GABBR2: variants seen among roughly 807,000 people sequenced by gnomAD.
GABBR2 encodes G-protein coupled receptor 51.
GABBR2 carries 23 observed loss-of-function variants against 105.6 expected under a neutral mutation model. The ratio of observed to expected loss-of-function variants is 0.22; its 90% CI spans 0.16 to 0.31. The LOEUF (loss-of-function observed/expected upper bound fraction) is 0.31. Ranked by LOEUF, GABBR2 falls within the 10% of genes least tolerant of loss-of-function variation. The probability of loss-of-function intolerance (pLI) is 1.00; values close to 1 mark genes in which losing one functional copy is unlikely to be tolerated. For synonymous variants in GABBR2, 478 were observed against 499.7 expected (o/e 0.96, Z 0.58); for missense variants, 734 against 1,245.5 (o/e 0.59, Z 6.18).
In GABBR2 at chr9:98,708,452, G is replaced by C. The variant is rs1407202194; in HGVS notation, c.286C>G (p.Pro96Ala). The change falls in exon 1 of 19, where the codon CCC becomes GCC. Residue 96 changes from proline to alanine, a missense_variant. This residue lies in a region of GABBR2 where 370 missense variants were observed against 648.9 expected (regional missense o/e 0.57). Transcript: ENST00000259455. ...EQIRNESLLR[P>A]YFLDLRLYDT... ...TAGAGCCGCAGGTCGAGGAAGTAGGGGCGCAGGAGTGACTCGTTGCGGATC... is the reference window on the plus strand; with the variant it reads ...TAGAGCCGCAGGTCGAGGAAGTAGGCGCGCAGGAGTGACTCGTTGCGGATC... 6.4e-7 allele frequency: 1 copy of C among 1,557,128 alleles called. No individual in the cohort carries two copies.
rs929592683 is a variant in GABBR2, at chr9:98,388,304, G to A, written c.1529+550C>T. ...TCGCTGAACTTCAGGGCTTTTCTCT[G>A]TGAAATGAGGAGTTATCCGGAGGGT... On this transcript the variant is annotated intron_variant, in intron 10 of 18. Coordinates refer to ENST00000259455, the MANE Select transcript of GABBR2 (RefSeq NM_005458.8). This position sits in a 1 kb window ranked among gnomAD's most constrained non-coding sequence, Gnocchi z 4.4. 5.9e-5 allele frequency among the ~76,000 whole-genome samples: 9 copies of A among 152,166 alleles called. No individual in the cohort carries two copies. The highest frequency in any genetic ancestry group is 2.2e-4 in the African/African-American group (9 of 41,432).
intron 1 of GABBR2, among the ~76,000 whole-genome samples, chr9:98,703,500 G>A (rs376678742): frequency 2.2e-4 from 33 of 152,184 alleles, no homozygotes; most frequent in African/African-American, 6.5e-4. Flanking sequence ...ATTTTATTTC[G>A]TTTTATTTTT....
At chr9:98,356,983 A>C (rs183987414) in intron 13 of GABBR2, among the ~76,000 whole-genome samples, 1 of 152,362 alleles carries the variant, frequency 6.6e-6, no homozygotes, top group East Asian at 1.9e-4. Flanking sequence ...GATTCTAACT[A>C]TATGACATTC....
Position 98,303,385 on chromosome 9 carries a change from C to T in GABBR2, c.2268G>A (p.Gln756=), listed in dbSNP as rs1358181451. ...TLRTNPDAAT[Q]NRRFQFTQNQ... ...TCTGAGTGAACTGGAATCGCCTGTT[C>T]TGCGTTGCTGCATCTGGGTTTGTTC... is the stretch of plus-strand genomic sequence containing the variant. The change falls in exon 16 of 19, where the codon CAG becomes CAA. Residue 756 remains glutamine, a synonymous_variant. Transcript: ENST00000259455. 1.2e-6 allele frequency: 2 copies of T among 1,614,222 alleles called. No homozygotes were observed. Among genetic ancestry groups the T allele is most frequent in the East Asian group, 2.2e-5 (1 of 44,878 alleles).
At chr9:98,502,990 G>T (rs998565532) in intron 3 of GABBR2, among the ~76,000 whole-genome samples, 4 of 152,140 alleles carry the variant, frequency 2.6e-5, no homozygotes, top group African/African-American at 7.2e-5. Context: ...GGTAGGACTG[G>T]GCCTCTAAAG....
chr9:98,607,267 C>T (rs894278041), intron 1 of GABBR2: 19 of 1,084,502 alleles, frequency 1.8e-5, no homozygotes, highest in African/African-American at 1.7e-4. Flanking sequence ...AATGCAGAAT[C>T]GCATGTGAAC....
At chr9:98,509,152 C>A (rs1160612245) in intron 3 of GABBR2, among the ~76,000 whole-genome samples, 3 of 152,178 alleles carry the variant, frequency 2.0e-5, no homozygotes, top group Non-Finnish European at 4.4e-5. Flanking sequence ...GATACCCAGG[C>A]AAACAGGATC....
chr9:98,403,758 T>C (rs191563116), intron 8 of GABBR2, among the ~76,000 whole-genome samples: 1 of 137,586 alleles, frequency 7.3e-6, no homozygotes, highest in Non-Finnish European at 1.5e-5. Flanking sequence ...AAAAAAAAAA[T>C]ATATATATAT....
intron 8 of GABBR2, among the ~76,000 whole-genome samples, chr9:98,400,098 G>A (rs1469538684): frequency 1.3e-5 from 2 of 151,002 alleles, no homozygotes; most frequent in African/African-American, 4.9e-5. Flanking sequence ...GAAGGAGGAT[G>A]GCTTACACCT....
chr9:98,602,492 T>C (rs2131806161), intron 1 of GABBR2, among the ~76,000 whole-genome samples: 2 of 151,384 alleles, frequency 1.3e-5, no homozygotes, highest in South Asian at 4.2e-4. Flanking sequence ...TGTCTCATTA[T>C]ATTGCTTAGG....
intron 5 of GABBR2, among the ~76,000 whole-genome samples, chr9:98,480,612 G>T (rs1437515405): frequency 6.6e-6 from 1 of 152,160 alleles, no homozygotes; most frequent in Non-Finnish European, 1.5e-5. Context: ...ACAGGGCAGG[G>T]AGGGGGTCTG....
intron 1 of GABBR2, among the ~76,000 whole-genome samples, chr9:98,622,820 G>T (rs1167798066): frequency 1.3e-5 from 2 of 152,254 alleles, no homozygotes; most frequent in East Asian, 3.9e-4. Context: ...AAACTTAGTG[G>T]CTTCAATAAC....
At chr9:98,310,434 G>C (rs956988370) in intron 14 of GABBR2, among the ~76,000 whole-genome samples, 1 of 152,082 alleles carries the variant, frequency 6.6e-6, no homozygotes, top group Non-Finnish European at 1.5e-5. Flanking sequence ...TTTTAGTAGA[G>C]ATGGGGTTTT....
intron 10 of GABBR2, among the ~76,000 whole-genome samples, chr9:98,387,376 T>A (rs1419633948): frequency 6.6e-6 from 1 of 152,206 alleles, no homozygotes; most frequent in East Asian, 1.9e-4. Context: ...GCTGTCCTGA[T>A]GGGACTTCTC....
chr9:98,363,085 A>G (rs1349678687), intron 12 of GABBR2, among the ~76,000 whole-genome samples: 1 of 152,166 alleles, frequency 6.6e-6, no homozygotes, highest in African/African-American at 2.4e-5. Flanking sequence ...GGCCACTCCT[A>G]GTCCCTGGCC....
chr9:98,489,045 T>C (rs1196909669), intron 4 of GABBR2, among the ~76,000 whole-genome samples: 1 of 152,186 alleles, frequency 6.6e-6, no homozygotes, highest in Non-Finnish European at 1.5e-5. Context: ...GGCCATATAG[T>C]CTCTGTTGCA....
intron 1 of GABBR2, among the ~76,000 whole-genome samples, chr9:98,635,408 GGT>G (rs1829862459): frequency 6.6e-6 from 1 of 152,164 alleles, no homozygotes; most frequent in African/African-American, 2.4e-5. Flanking sequence ...GGGAGTTGAG[GGT>G]GGGGGACACT....
At chr9:98,474,005 A>G (rs982868816) in intron 5 of GABBR2, among the ~76,000 whole-genome samples, 13 of 152,242 alleles carry the variant, frequency 8.5e-5, no homozygotes, top group African/African-American at 3.1e-4. Context: ...TGGCAAACCG[A>G]GAAGTCGCTC....
chr9:98,351,060 C>T (rs565795665), intron 13 of GABBR2, among the ~76,000 whole-genome samples: 2 of 152,010 alleles, frequency 1.3e-5, no homozygotes, highest in Admixed American at 6.6e-5. Flanking sequence ...TAATTCTGCA[C>T]GCTTTTGGTT....
Sources: allele counts gnomAD v4.1 joint callset (sites outside exome capture counted in the v4.1 genomes callset), GRCh38; gene constraint gnomAD v4.1.1; regional missense constraint gnomAD v4.1.1; non-coding constraint Gnocchi (gnomAD v3.1); transcripts MANE v1.5; gene names NCBI Gene and HGNC (gene_info 2026-07-23, HGNC 2026-07-21).